Variants in PCNX1 observed in about 807,000 individuals in gnomAD.
PCNX1 encodes pecanex-like protein 1.
In PCNX1, 78 loss-of-function variants were observed where a neutral mutation model predicts 242.2. The observed-to-expected ratio is 0.32, with a 90% CI of 0.27 to 0.39. PCNX1 has a LOEUF of 0.39. Among genes scored for constraint, PCNX1 ranks in the 10% least tolerant of loss-of-function variants. The pLI, the probability that PCNX1 is intolerant of heterozygous loss-of-function variation, is 1.00. For missense variants in PCNX1, 2,581 were observed against 2,856.5 expected, an observed-to-expected ratio of 0.90 and a Z score of 2.20; for synonymous variants, 1,024 against 1,032.9, an observed-to-expected ratio of 0.99 and a Z score of 0.17.
chr14:70,968,136 G>A (rs561023837), intron 3 of PCNX1, 62 bp from the exon 4 acceptor site: 8 of 1,086,616 alleles, frequency 7.4e-6, no homozygotes, highest in Admixed American at 5.3e-5. Flanking sequence ...TTGCTAGTGT[G>A]TATTGATAAT....
chr14:71,000,675 T>C (rs1339521287), intron 8 of PCNX1, among the ~76,000 whole-genome samples: 2 of 151,908 alleles, frequency 1.3e-5, no homozygotes, highest in African/African-American at 4.8e-5. Context: ...TATAGGCATG[T>C]GCCACCATGC....
At position 71,009,732 on chromosome 14, in the gene PCNX1, T is replaced by C; in HGVS notation, c.2720+8T>C. On this transcript the variant is annotated splice_region_variant and intron_variant, in intron 9 of 35. Transcript: ENST00000304743. ...AAGAGCATCCAATATCTGGTATGTGTGAAGTCATATTAGGAGTGTGTGTAC... is the reference window on the plus strand; with the variant it reads ...AAGAGCATCCAATATCTGGTATGTGCGAAGTCATATTAGGAGTGTGTGTAC... 4 of 1,533,452 alleles carry C rather than the reference T, an allele frequency of 2.6e-6. No individual in the cohort carries two copies. Among genetic ancestry groups the C allele is most frequent in the Non-Finnish European group, 3.6e-6 (4 of 1,110,028 alleles). The allele number at this position is 1,533,452 out of a possible 1,614,324, so 95.0% of individuals were successfully genotyped here. A position where few individuals can be genotyped will look rare whatever the true frequency, so the allele number is the denominator to read the frequency against.
chr14:71,062,135 A>C (rs2061340432), intron 26 of PCNX1, among the ~76,000 whole-genome samples: 1 of 152,150 alleles, frequency 6.6e-6, no homozygotes, highest in African/African-American at 2.4e-5. Flanking sequence ...AACCAAGCAA[A>C]CTATTGTGGA....
intron 35 of PCNX1, 65 bp from the exon 36 acceptor site, chr14:71,109,730 G>T: frequency 1.9e-6 from 3 of 1,579,924 alleles, no homozygotes; most frequent in Non-Finnish European, 2.6e-6. Flanking sequence ...CTAGGTAGGG[G>T]TAAGAGTTTG....
intron 8 of PCNX1, among the ~76,000 whole-genome samples, chr14:71,003,408 A>G (rs2059568154): frequency 6.6e-6 from 1 of 152,044 alleles, no homozygotes; most frequent in Admixed American, 6.6e-5. Context: ...TTGGTCTTCT[A>G]ACTGTTGAGG....
At chr14:70,910,207 G>GTCCTCCTCCTCCTCCTCCTCC (rs750642409) in intron 1 of PCNX1, among the ~76,000 whole-genome samples, 8 of 13,170 alleles carry the variant, frequency 6.1e-4, no homozygotes, top group East Asian at 5.6e-3. Flanking sequence ...CCTCCTCCTC[G>GTCCTCCTCCTCCTCCTCCTCC]TCCTCCTCCT....
At chr14:71,032,067 A>G in intron 16 of PCNX1, 1 of 668,308 alleles carries the variant, frequency 1.5e-6, no homozygotes, top group Non-Finnish European at 2.6e-6. Context: ...AAAGAAGAAG[A>G]GAGAGAGAGA....
intron 22 of PCNX1, among the ~76,000 whole-genome samples, chr14:71,049,417 G>T (rs1025447616): frequency 6.6e-6 from 1 of 152,018 alleles, no homozygotes; most frequent in African/African-American, 2.4e-5. Context: ...TCATTGTAAG[G>T]TACATCATGG....
chr14:71,102,250 A>T (rs756270869), intron 31 of PCNX1, 30 bp downstream of exon 31: 28 of 1,539,714 alleles, frequency 1.8e-5, no homozygotes, highest in Non-Finnish European at 2.3e-5. Context: ...ATTTGGTCCA[A>T]AACATAGAAG....
intron 2 of PCNX1, among the ~76,000 whole-genome samples, chr14:70,958,549 CTCT>C (rs1386543071): frequency 1.3e-5 from 2 of 152,204 alleles, no homozygotes; most frequent in Non-Finnish European, 2.9e-5. Flanking sequence ...GTCCCTGCTT[CTCT>C]TCTTCTCGCC....
intron 26 of PCNX1, among the ~76,000 whole-genome samples, chr14:71,058,526 A>G (rs1402260967): frequency 1.3e-5 from 2 of 151,358 alleles, no homozygotes; most frequent in East Asian, 3.9e-4. Flanking sequence ...TTGAGTTTTC[A>G]GAGAGTTTTT....
At chr14:70,996,102 G>A (rs560279582) in intron 8 of PCNX1, among the ~76,000 whole-genome samples, 177 bp downstream of exon 8, 2 of 152,006 alleles carry the variant, frequency 1.3e-5, no homozygotes, top group African/African-American at 4.8e-5. Context: ...TTCCTTTTCT[G>A]TTTCTCTCTA....
At chr14:71,045,904 A>G (rs573602107) in intron 20 of PCNX1, among the ~76,000 whole-genome samples, 21 of 152,156 alleles carry the variant, frequency 1.4e-4, no homozygotes, top group Non-Finnish European at 2.5e-4. Flanking sequence ...CTTTCCTGTT[A>G]TAAGTATTCA....
intron 5 of PCNX1, chr14:70,969,328 G>A (rs934356791): frequency 2.5e-5 from 11 of 447,830 alleles, no homozygotes; most frequent in Non-Finnish European, 4.4e-5. Context: ...GATAAACATG[G>A]AGAGAGAAAT....
At chr14:71,044,453 C>T (rs1447287659) in intron 19 of PCNX1, 1 of 152,362 alleles carries the variant, frequency 6.6e-6, no homozygotes, top group African/African-American at 2.4e-5. Context: ...CCACAACCTT[C>T]ATAGTCACAA....
At chr14:71,096,073 A>G (rs191573132) in intron 30 of PCNX1, among the ~76,000 whole-genome samples, 41 of 152,272 alleles carry the variant, frequency 2.7e-4, no homozygotes, top group African/African-American at 9.4e-4. Flanking sequence ...TAATCCCAAC[A>G]CTTTGGGAGG....
At chr14:71,033,909 G>GTT (rs11461235) in intron 17 of PCNX1, 22 bp from the exon 18 acceptor site, 12,194 of 1,194,032 alleles carry the variant, frequency 0.01, no homozygotes, top group East Asian at 0.021. Flanking sequence ...TGTATTTTCT[G>GTT]TTTTTTTTTC....
Position 70,988,633 on chromosome 14 carries a change from T to G in PCNX1, c.2378T>G (p.Val793Gly), listed in dbSNP as rs908479119. The change falls in exon 7 of 36, where the codon GTA (valine) becomes GGA (glycine). Residue 793 changes from valine (V) to glycine (G), a missense_variant. By Grantham distance (109) the Val-to-Gly change is moderately radical. Coordinates refer to ENST00000304743, the MANE Select transcript of PCNX1 (RefSeq NM_014982.3). ...RERSTFRRQA[V>G]RRRHNAGSNP... ...CGCAGCACATTTAGGCGCCAGGCAGTACGGCGCCGGCACAATGCAGGGAGT... is the reference window on the plus strand; with the variant it reads ...CGCAGCACATTTAGGCGCCAGGCAGGACGGCGCCGGCACAATGCAGGGAGT... 1 of 1,613,918 alleles carries G rather than the reference T, an allele frequency of 6.2e-7. No individual in the cohort carries two copies. Among genetic ancestry groups the G allele is most frequent in the African/African-American group, 1.3e-5 (1 of 74,924 alleles).
At chr14:70,910,218 C>CCTCCTT (rs2055830630) in intron 1 of PCNX1, among the ~76,000 whole-genome samples, 2 of 69,438 alleles carry the variant, frequency 2.9e-5, no homozygotes, top group African/African-American at 5.7e-5. Context: ...TCCTCCTCCT[C>CCTCCTT]CTCCTCCTCC....
Sources: gnomAD v4.1 joint callset for allele counts (sites outside exome capture counted in the v4.1 genomes callset) on GRCh38, gnomAD v4.1.1 for gene constraint, MANE v1.5 for transcripts, NCBI Gene and HGNC (gene_info 2026-07-23, HGNC 2026-07-21) for gene names.